Variants in SYT1 observed in about 807,000 individuals in gnomAD.
SYT1 encodes the protein synaptotagmin 1.
Under a neutral mutation model 44.8 loss-of-function variants are expected in SYT1, and 8 were observed. That is an observed-to-expected ratio of 0.18 (90% CI 0.10 to 0.32). SYT1 has a LOEUF of 0.32. SYT1 is among the 10% of genes least tolerant of loss of function. The pLI, the probability that SYT1 is intolerant of heterozygous loss-of-function variation, is 1.00. For missense variants in SYT1, 286 were observed against 509.3 expected, an observed-to-expected ratio of 0.56 and a Z score of 4.22; for synonymous variants, 154 against 188.8, an observed-to-expected ratio of 0.82 and a Z score of 1.51.
intron 8 of SYT1, among the ~76,000 whole-genome samples, chr12:79,334,096 G>A (rs1487636415): frequency 2.6e-5 from 4 of 152,040 alleles, no homozygotes; most frequent in Non-Finnish European, 5.9e-5. Flanking sequence ...CTGAGTATAC[G>A]CTATGTGCTA....
chr12:79,220,504 CTATT>C (rs1354873099), intron 4 of SYT1, among the ~76,000 whole-genome samples: 2 of 151,778 alleles, frequency 1.3e-5, no homozygotes, highest in African/African-American at 4.8e-5. Context: ...CAACATTAGG[CTATT>C]TATTTAAGAT....
intron 4 of SYT1, among the ~76,000 whole-genome samples, chr12:79,285,530 T>G (rs770979951): frequency 1.3e-5 from 2 of 152,152 alleles, no homozygotes; most frequent in Non-Finnish European, 2.9e-5. Flanking sequence ...CCTAGAAATC[T>G]AGCTTGGAGA....
At chr12:79,389,858 T>C (rs558628853) in intron 9 of SYT1, among the ~76,000 whole-genome samples, 30 of 152,302 alleles carry the variant, frequency 2.0e-4, no homozygotes, top group Non-Finnish European at 4.1e-4. Flanking sequence ...TGTGTTTCAC[T>C]CTAGCTACCC....
intron 2 of SYT1, among the ~76,000 whole-genome samples, chr12:79,004,531 A>T (rs1439614265): frequency 1.3e-5 from 2 of 151,988 alleles, no homozygotes; most frequent in Non-Finnish European, 2.9e-5. Context: ...TCAATAAAAT[A>T]GCTATTTTGT....
intron 3 of SYT1, among the ~76,000 whole-genome samples, chr12:79,194,360 AAGACAAGCCACATC>A (rs985811048): frequency 6.6e-6 from 1 of 152,126 alleles, no homozygotes; most frequent in Non-Finnish European, 1.5e-5. Context: ...GTGGGTCTCA[AAGACAAGCCACATC>A]AGATTCACCT....
intron 5 of SYT1, among the ~76,000 whole-genome samples, chr12:79,288,232 C>T (rs1242152764): frequency 9.2e-5 from 14 of 151,930 alleles, no homozygotes; most frequent in Non-Finnish European, 1.3e-4. Flanking sequence ...ACATGATGAT[C>T]GCCAGATCAC....
intron 9 of SYT1, among the ~76,000 whole-genome samples, chr12:79,358,256 A>C (rs1228925672): frequency 3.3e-5 from 5 of 152,196 alleles, no homozygotes; most frequent in Non-Finnish European, 7.3e-5. Flanking sequence ...GAAACACTAA[A>C]CTTTAAAATA....
At chr12:79,125,158 T>C (rs1868362790) in intron 3 of SYT1, among the ~76,000 whole-genome samples, 1 of 152,148 alleles carries the variant, frequency 6.6e-6, no homozygotes, top group Non-Finnish European at 1.5e-5. Flanking sequence ...GCTCAGCAGA[T>C]TGCTTTATCA....
intron 3 of SYT1, among the ~76,000 whole-genome samples, chr12:79,063,474 C>G (rs561336833): frequency 6.6e-6 from 1 of 152,108 alleles, no homozygotes; most frequent in Non-Finnish European, 1.5e-5. Flanking sequence ...GATCCCAGCC[C>G]GTGGCATCTC....
intron 2 of SYT1, among the ~76,000 whole-genome samples, chr12:78,991,980 C>T (rs1202161462): frequency 6.6e-6 from 1 of 152,082 alleles, no homozygotes; most frequent in East Asian, 1.9e-4. Flanking sequence ...AGATCAGGGG[C>T]CCTAGCAAGT....
At chr12:78,951,418 A>G (rs1760069497) in intron 1 of SYT1, among the ~76,000 whole-genome samples, 1 of 152,188 alleles carries the variant, frequency 6.6e-6, no homozygotes, top group African/African-American at 2.4e-5. Context: ...TAGGAAAGTT[A>G]TATGGGCAAG....
intron 1 of SYT1, among the ~76,000 whole-genome samples, chr12:78,942,832 A>C (rs1313988700): frequency 6.6e-6 from 1 of 152,158 alleles, no homozygotes; most frequent in Non-Finnish European, 1.5e-5. Flanking sequence ...AAAGCCATTC[A>C]GCTCTGGGGT....
intron 1 of SYT1, among the ~76,000 whole-genome samples, chr12:78,934,984 C>T (rs1459965077): frequency 6.6e-6 from 1 of 152,118 alleles, no homozygotes; most frequent in Non-Finnish European, 1.5e-5. Flanking sequence ...TCGTGCTCCA[C>T]GGAAATCATG....
intron 3 of SYT1, among the ~76,000 whole-genome samples, chr12:79,175,224 T>C (rs2138369056): frequency 6.6e-6 from 1 of 152,156 alleles, no homozygotes; most frequent in South Asian, 2.1e-4. Context: ...CAATGGAAAA[T>C]AACATCTGCG....
At position 79,192,806 on chromosome 12, in the gene SYT1, A is replaced by G. The variant is rs372076225; in HGVS notation, c.-17-24697A>G. ...GAGTAATATGAATGAATTATTTATT[A>G]CTTATTCAAATTTTAAGACTCACTG... On this transcript the variant is annotated intron_variant, in intron 3 of 10. Transcript: ENST00000261205. Among the ~76,000 whole-genome samples the G allele has an allele frequency of 4.6e-5, 7 of 152,294 alleles. 1 individual carries two copies. Among genetic ancestry groups the G allele is most frequent in the Admixed American group, 3.3e-4 (5 of 15,290 alleles).
Position 79,167,057 on chromosome 12 carries a change from G to A in SYT1, c.-17-50446G>A, listed in dbSNP as rs144498657. The stretch of plus-strand genomic sequence containing the variant: ...TGTTAATAGAGTACTTATTAAATAT[G>A]GCATAAGTAAAGGAATGACATTTAC... On this transcript the variant is annotated intron_variant, in intron 3 of 10. Coordinates refer to ENST00000261205, the MANE Select transcript of SYT1 (RefSeq NM_005639.3). Among the ~76,000 whole-genome samples the A allele has an allele frequency of 2.8e-3, 432 of 151,970 alleles. 1 individual carries two copies. Among genetic ancestry groups the A allele is most frequent in the Middle Eastern group, 0.017 (5 of 292 alleles).
chr12:79,002,245 C>A (rs1161161228), intron 2 of SYT1, among the ~76,000 whole-genome samples: 1 of 152,034 alleles, frequency 6.6e-6, no homozygotes, highest in Non-Finnish European at 1.5e-5. Flanking sequence ...TAAGCAAGAA[C>A]AAAGTGCATC....
intron 3 of SYT1, among the ~76,000 whole-genome samples, chr12:79,057,084 A>T (rs1443914320): frequency 1.3e-5 from 2 of 152,030 alleles, no homozygotes; most frequent in African/African-American, 4.8e-5. Flanking sequence ...TTTCAGCAGA[A>T]AGTAATTCAT....
chr12:79,231,474 C>T (rs1875864661), intron 4 of SYT1, among the ~76,000 whole-genome samples: 1 of 151,704 alleles, frequency 6.6e-6, no homozygotes, highest in Non-Finnish European at 1.5e-5. Flanking sequence ...AAGCTGTTTT[C>T]ACACATACAA....
Sources: allele counts gnomAD v4.1 joint callset (sites outside exome capture counted in the v4.1 genomes callset), GRCh38; gene constraint gnomAD v4.1.1; transcripts MANE v1.5; gene names NCBI Gene and HGNC (gene_info 2026-07-23, HGNC 2026-07-21).